Variants in VPS35L observed in about 807,000 individuals in gnomAD.
The protein encoded by VPS35L is VPS35 endosomal protein-sorting factor-like.
Under a neutral mutation model 133.0 loss-of-function variants are expected in VPS35L, and 83 were observed. The observed-to-expected ratio is 0.62, with a 90% confidence interval of 0.52 to 0.75. VPS35L has a LOEUF of 0.75. VPS35L is among the 30% of genes least tolerant of loss of function. The pLI, the probability that VPS35L is intolerant of heterozygous loss-of-function variation, is 0.00. For missense variants in VPS35L, 1,083 were observed against 1,206.8 expected (o/e 0.90, Z 1.52); for synonymous variants, 423 against 449.9 (o/e 0.94, Z 0.76).
At chr16:19,649,762 A>AT (rs1974068197) in intron 24 of VPS35L, among the ~76,000 whole-genome samples, 1 of 152,180 alleles carries the variant, frequency 6.6e-6, no homozygotes, top group South Asian at 2.1e-4. Flanking sequence ...AATAACTTTC[A>AT]TATGTATTTG....
intron 27 of VPS35L, among the ~76,000 whole-genome samples, chr16:19,680,914 G>GCCCC (rs11300253): frequency 3.7e-5 from 5 of 134,682 alleles, no homozygotes; most frequent in South Asian, 2.5e-4. Context: ...CTCAGAACCC[G>GCCCC]CCCCCCCCCT....
chr16:19,671,603 C>G (rs1352156606), intron 27 of VPS35L, among the ~76,000 whole-genome samples: 2 of 151,744 alleles, frequency 1.3e-5, no homozygotes, highest in Non-Finnish European at 2.9e-5. Flanking sequence ...ATGGTAAAAC[C>G]CCGTCTCTAC....
At chr16:19,591,391 T>C (rs376394392) in intron 7 of VPS35L, among the ~76,000 whole-genome samples, 4 of 152,110 alleles carry the variant, frequency 2.6e-5, no homozygotes, top group East Asian at 3.9e-4. Context: ...GATAAGGCTT[T>C]CCTGAAGAAG....
intron 7 of VPS35L, among the ~76,000 whole-genome samples, chr16:19,590,932 G>A: frequency 6.6e-6 from 1 of 152,072 alleles, no homozygotes; most frequent in East Asian, 1.9e-4. Context: ...TCCAGCCCGA[G>A]CGACAGAGCA....
rs1972597135 is a variant in VPS35L at position 19,608,260 on chromosome 16, A to G, written c.867A>G (p.Glu289=). ...TTTTCAAGATTGCCTCCATCAGGGA[A>G]CTCATTCCAAGATTGTATCCTTTTT... ...NWFFKIASIR[E]LIPRFYVEAS... is the part of the protein sequence containing the mutation. Residue 289 remains glutamate, a synonymous_variant, in exon 10 of 31, where the codon GAA becomes GAG. Transcript: ENST00000417362. 4.4e-6 allele frequency: 7 copies of G among 1,601,418 alleles called. No homozygotes were observed. The South Asian group carries it at 7.7e-5, about 18-fold the overall frequency.
chr16:19,558,206 C>T (rs16972190), intron 1 of VPS35L, among the ~76,000 whole-genome samples: 11,917 of 152,286 alleles, frequency 0.078, 904 homozygotes, highest in East Asian at 0.37. Flanking sequence ...GAGTTTCTGT[C>T]ATTAAATTTA....
intron 9 of VPS35L, among the ~76,000 whole-genome samples, chr16:19,607,126 T>C (rs868177608): frequency 6.6e-6 from 1 of 152,232 alleles, no homozygotes. Flanking sequence ...TTAAGATGTA[T>C]GTCAAGTCCA....
intron 14 of VPS35L, among the ~76,000 whole-genome samples, chr16:19,620,966 A>T (rs976833790): frequency 3.2e-4 from 48 of 151,826 alleles, no homozygotes; most frequent in Non-Finnish European, 5.4e-4. Flanking sequence ...AGAATAAATT[A>T]AAAAAAATAA....
At chr16:19,645,938 T>A (rs1374039114) in intron 23 of VPS35L, among the ~76,000 whole-genome samples, 1 of 149,878 alleles carries the variant, frequency 6.7e-6, no homozygotes, top group African/African-American at 2.5e-5. Flanking sequence ...CAAAACTTAG[T>A]GGCTTTAAAT....
intron 27 of VPS35L, among the ~76,000 whole-genome samples, chr16:19,674,336 C>A (rs986024005): frequency 6.7e-6 from 1 of 150,096 alleles, no homozygotes; most frequent in African/African-American, 2.5e-5. Flanking sequence ...AGACTACAGG[C>A]GCCCACCACC....
chr16:19,656,973 T>TG (rs905406240), intron 26 of VPS35L, among the ~76,000 whole-genome samples: 5 of 148,898 alleles, frequency 3.4e-5, no homozygotes, highest in African/African-American at 1.2e-4. Flanking sequence ...TTTTTTTTTT[T>TG]TTTTTTTTTT....
At chr16:19,573,692 A>G (rs1296950541) in intron 4 of VPS35L, among the ~76,000 whole-genome samples, 1 of 152,110 alleles carries the variant, frequency 6.6e-6, no homozygotes, top group Non-Finnish European at 1.5e-5. Flanking sequence ...GGGCACCTGT[A>G]ATCCTAGCTA....
intron 7 of VPS35L, among the ~76,000 whole-genome samples, chr16:19,582,627 G>C (rs1035808334): frequency 1.9e-4 from 29 of 152,306 alleles, no homozygotes; most frequent in Non-Finnish European, 4.1e-4. Flanking sequence ...GGAGAGGGTT[G>C]CTTGCTGAGT....
At position 19,615,968 on chromosome 16, in the gene VPS35L, AAATAATAAT is replaced by A. The variant is rs10683142; in HGVS notation, c.1024-124_1024-116del. On this transcript the variant is annotated intron_variant, in intron 12 of 30. Coordinates refer to ENST00000417362, the MANE Select transcript of VPS35L (RefSeq NM_020314.7). ...GGCAACAGAGCGAGACTCCATCTCAAAATAATAATAATAATAATAATAATAATAATTTTC... is the reference window on the plus strand; with the variant it reads ...GGCAACAGAGCGAGACTCCATCTCAAAATAATAATAATAATAATAATTTTC... 15 of 255,282 alleles carry A rather than the reference AAATAATAAT, an allele frequency of 5.9e-5. 2 individuals carry two copies. The South Asian group carries it at 6.3e-4, about 11-fold the overall frequency. The allele number at this position is 255,282 out of a possible 1,614,324, so 15.8% of individuals were successfully genotyped here.
At chr16:19,616,333 T>G (rs1372566740) in intron 13 of VPS35L, 142 bp downstream of exon 13, 1 of 712,376 alleles carries the variant, frequency 1.4e-6, no homozygotes, top group African/African-American at 1.8e-5. Context: ...TAGCTTCTGT[T>G]GTAGACAATT....
At chr16:19,641,386 A>G (rs1014626521) in intron 21 of VPS35L, among the ~76,000 whole-genome samples, 3 of 152,142 alleles carry the variant, frequency 2.0e-5, no homozygotes, top group African/African-American at 4.8e-5. Flanking sequence ...TTTTAGAGTT[A>G]TATATTGATT....
rs151235854 is a variant in VPS35L at position 19,655,882 on chromosome 16, T to C, written c.2221+3792T>C. On this transcript the variant is annotated intron_variant, in intron 26 of 30. Coordinates refer to ENST00000417362, the MANE Select transcript of VPS35L (RefSeq NM_020314.7). ...GTCAATGGCTCTTTCTAGAAAATTA[T>C]TTCCAGGCCACAGCAAGAGCAGGTT... 2.4e-3 allele frequency among the ~76,000 whole-genome samples: 367 copies of C among 152,334 alleles called. 2 individuals carry two copies. Among genetic ancestry groups the C allele is most frequent in the African/African-American group, 8.2e-3 (339 of 41,582 alleles).
chr16:19,652,020 C>T lies in VPS35L; in HGVS notation c.2151C>T (p.Gly717=). The T allele has an allele frequency of 3.1e-6, 5 of 1,613,588 alleles. No individual in the cohort carries two copies. Among genetic ancestry groups the T allele is most frequent in the Middle Eastern group, 1.7e-4 (1 of 6,060 alleles). The change falls in exon 26 of 31, where the codon GGC becomes GGT. Residue 717 remains glycine (G), a synonymous_variant. Transcript: ENST00000417362. ...YCFITIPSLA[G]IFTRLNLYLH... is the part of the protein sequence containing the mutation. The stretch of plus-strand genomic sequence containing the variant: ...TCATCACCATCCCCTCCCTGGCGGG[C>T]ATCTTCACACGTCTCAATCTCTACC...
intron 3 of VPS35L, among the ~76,000 whole-genome samples, 185 bp downstream of exon 3, chr16:19,569,776 C>T (rs1362577902): frequency 6.6e-6 from 1 of 152,008 alleles, no homozygotes; most frequent in Non-Finnish European, 1.5e-5. Context: ...TCAAGCAATT[C>T]TCCCACCTCA....
Sources: gnomAD v4.1 joint callset for allele counts (sites outside exome capture counted in the v4.1 genomes callset) on GRCh38, gnomAD v4.1.1 for gene constraint, MANE v1.5 for transcripts, NCBI Gene and HGNC (gene_info 2026-07-23, HGNC 2026-07-21) for gene names.